The following NEDD4L variants were observed in gnomAD, a reference collection of about 807,000 sequenced individuals.
NEDD4L encodes NEDD4 like E3 ubiquitin protein ligase.
A neutral mutation model predicts 148.9 loss-of-function variants in NEDD4L; 54 were observed. The observed-to-expected ratio is 0.36, with a 90% confidence interval of 0.29 to 0.45. NEDD4L has a LOEUF of 0.45. NEDD4L is among the 20% of genes least tolerant of loss of function. The pLI is 1.00. For synonymous variants in NEDD4L, 433 were observed against 440.7 expected (o/e 0.98, Z 0.22); for missense variants, 856 against 1,233.8 (o/e 0.69, Z 4.59).
intron 5 of NEDD4L, among the ~76,000 whole-genome samples, chr18:58,279,435 A>G (rs2052664239): frequency 6.6e-6 from 1 of 152,228 alleles, no homozygotes. Context: ...TGAAAAAGGC[A>G]TAGGATTTAT....
intron 1 of NEDD4L, among the ~76,000 whole-genome samples, chr18:58,062,522 G>T (rs1255468081): frequency 6.6e-6 from 1 of 152,180 alleles, no homozygotes; most frequent in African/African-American, 2.4e-5. Context: ...GAAAAATGGA[G>T]AAAAGGAGAG....
intron 5 of NEDD4L, among the ~76,000 whole-genome samples, chr18:58,265,605 CCCAGGCTGGAGTACGGTGG>C (rs1220118197): frequency 6.6e-6 from 1 of 152,030 alleles, no homozygotes; most frequent in Non-Finnish European, 1.5e-5. Context: ...TGCTCTGTTG[CCCAGGCTGGAGTACGGTGG>C]CGTTAAGATG....
intron 24 of NEDD4L, among the ~76,000 whole-genome samples, chr18:58,374,201 G>T (rs964142951): frequency 6.6e-6 from 1 of 152,206 alleles, no homozygotes; most frequent in Non-Finnish European, 1.5e-5. Context: ...ACAACTGAGG[G>T]TAAAAATTGT....
At chr18:58,172,865 C>G (rs1032118093) in intron 2 of NEDD4L, among the ~76,000 whole-genome samples, 1 of 152,042 alleles carries the variant, frequency 6.6e-6, no homozygotes, top group South Asian at 2.1e-4. Flanking sequence ...AGTGATAGAT[C>G]TCTTCTTGAG....
Position 58,256,283 on chromosome 18 carries a change from G to A in NEDD4L, c.297+4229G>A. 1 of 1,231,434 alleles carries A rather than the reference G, an allele frequency of 8.1e-7. No homozygotes were observed. The allele number at this position is 1,231,434 out of a possible 1,614,324, so 76.3% of individuals were successfully genotyped here. On this transcript the variant is annotated intron_variant, in intron 5 of 30. Coordinates refer to ENST00000400345, the MANE Select transcript of NEDD4L (RefSeq NM_001144967.3). This position sits in a 1 kb window ranked among gnomAD's most constrained non-coding sequence, Gnocchi z 5.2. ...GCTGCCCCTGGGCCCCGATGGCCAG[G>A]GCGGCCCGGCCGCGGCAGAGCCCAG...
chr18:58,335,402 C>G, intron 12 of NEDD4L, 76 bp from the exon 13 acceptor site: 1 of 1,211,010 alleles, frequency 8.3e-7, no homozygotes, highest in Non-Finnish European at 1.2e-6. Context: ...AGCGCTGCCA[C>G]AGCAGTGGGC....
At chr18:58,267,445 T>C (rs558460210) in intron 5 of NEDD4L, among the ~76,000 whole-genome samples, 1 of 152,204 alleles carries the variant, frequency 6.6e-6, no homozygotes, top group South Asian at 2.1e-4. Context: ...CACTGGCTAC[T>C]GTACTGGATG....
Position 58,329,965 on chromosome 18 carries a change from C to T in NEDD4L, c.814-773C>T, listed in dbSNP as rs80088624. ...TATCATATGCATATTTTTATTGAGT[C>T]GCTTTGACACTTGGAAGAGATTTAT... On this transcript the variant is annotated intron_variant, in intron 10 of 30. Coordinates refer to ENST00000400345, the MANE Select transcript of NEDD4L (RefSeq NM_001144967.3). Among the ~76,000 whole-genome samples, 664 of 152,138 alleles carry T rather than the reference C, an allele frequency of 4.4e-3. 2 individuals are homozygous for T. The highest frequency in any genetic ancestry group is 0.011 in the African/African-American group (471 of 41,496).
At chr18:58,337,911 G>C (rs2041972017) in intron 13 of NEDD4L, among the ~76,000 whole-genome samples, 1 of 152,208 alleles carries the variant, frequency 6.6e-6, no homozygotes, top group Admixed American at 6.5e-5. Context: ...CTTTCTGGCA[G>C]ACTAAGCCAG....
At chr18:58,121,335 G>A (rs1348034125) in intron 1 of NEDD4L, among the ~76,000 whole-genome samples, 1 of 152,142 alleles carries the variant, frequency 6.6e-6, no homozygotes, top group African/African-American at 2.4e-5. Flanking sequence ...AATTCAGTGA[G>A]ATAGATTTTA....
chr18:58,050,058 TTGAC>T (rs1281283601), intron 1 of NEDD4L, among the ~76,000 whole-genome samples: 33 of 151,960 alleles, frequency 2.2e-4, no homozygotes, highest in Non-Finnish European at 1.3e-4. Flanking sequence ...TTTGTAGACA[TTGAC>T]ATTTGAATTT....
At chr18:58,362,004 A>G (rs1053748365) in intron 19 of NEDD4L, among the ~76,000 whole-genome samples, 3 of 152,222 alleles carry the variant, frequency 2.0e-5, no homozygotes, top group Non-Finnish European at 2.9e-5. Flanking sequence ...TTCTTATTCT[A>G]TCATGAGAAC....
chr18:58,119,135 T>G (rs1017915260), intron 1 of NEDD4L, among the ~76,000 whole-genome samples: 1 of 152,202 alleles, frequency 6.6e-6, no homozygotes, highest in African/African-American at 2.4e-5. Context: ...CTCTAAGCTC[T>G]CAGGCTCTGC....
Position 58,322,367 on chromosome 18 carries a change from T to C in NEDD4L, c.349-58T>C, listed in dbSNP as rs947282795. ...ATTCTCTGTAATCCAGTTGCCTGTATCTAAAACATGAAATTATTAGGAATA... is the reference window on the plus strand; with the variant it reads ...ATTCTCTGTAATCCAGTTGCCTGTACCTAAAACATGAAATTATTAGGAATA... On this transcript the variant is annotated intron_variant, in intron 6 of 30. Coordinates refer to ENST00000400345, the MANE Select transcript of NEDD4L (RefSeq NM_001144967.3). 148 of 1,191,062 alleles carry C rather than the reference T, an allele frequency of 1.2e-4. 1 individual carries two copies. The Middle Eastern group carries it at 2.3e-3, about 19-fold the overall frequency. 73.8% of individuals were successfully genotyped at this position (1,191,062 alleles called of 1,614,324 possible). A position where few individuals can be genotyped will look rare whatever the true frequency, so the allele number is the denominator to read the frequency against.
chr18:58,070,820 C>CA (rs2082833232), intron 1 of NEDD4L, among the ~76,000 whole-genome samples: 1 of 145,976 alleles, frequency 6.9e-6, no homozygotes. Flanking sequence ...TAAGAGTCTT[C>CA]AGTGGCCATA....
chr18:58,393,682 G>C (rs988109159), intron 30 of NEDD4L, among the ~76,000 whole-genome samples: 2 of 152,148 alleles, frequency 1.3e-5, no homozygotes, highest in African/African-American at 4.8e-5. Context: ...ACTGTATTTT[G>C]ACATAGGAAA....
rs80219709 is a variant in NEDD4L at position 58,187,878 on chromosome 18, T to C, written c.122+22017T>C. Among the ~76,000 whole-genome samples the C allele has an allele frequency of 4.0e-3, 614 of 152,258 alleles. 4 individuals carry two copies. The highest frequency in any genetic ancestry group is 0.023 in the East Asian group (119 of 5,190). On this transcript the variant is annotated intron_variant, in intron 2 of 30. Transcript: ENST00000400345. Reference sequence around the variant, plus strand: ...GAGTTCAAGGGAGAGAGAATATGAATGTGCTGCTAGCTCAGGAAGCTTCAG... The same window carrying C: ...GAGTTCAAGGGAGAGAGAATATGAACGTGCTGCTAGCTCAGGAAGCTTCAG...
intron 5 of NEDD4L, among the ~76,000 whole-genome samples, chr18:58,306,853 C>T (rs2057123777): frequency 1.3e-5 from 2 of 152,150 alleles, no homozygotes; most frequent in South Asian, 2.1e-4. Flanking sequence ...AGGCTGTTCT[C>T]GAACTCCTGA....
intron 1 of NEDD4L, among the ~76,000 whole-genome samples, chr18:58,051,657 C>T (rs2081877073): frequency 6.6e-6 from 1 of 152,096 alleles, no homozygotes; most frequent in Non-Finnish European, 1.5e-5. Context: ...AGATGAGTAG[C>T]AGCAGTGAAA....
Sources: gnomAD v4.1 joint callset for allele counts (sites outside exome capture counted in the v4.1 genomes callset) on GRCh38, gnomAD v4.1.1 for gene constraint, Gnocchi (gnomAD v3.1) non-coding constraint, MANE v1.5 for transcripts, NCBI Gene and HGNC (gene_info 2026-07-23, HGNC 2026-07-21) for gene names.